Variants in CDH20 observed in about 807,000 individuals in gnomAD.
CDH20 encodes cadherin-20.
CDH20 carries 29 observed loss-of-function variants against 74.2 expected under a neutral mutation model. The ratio of observed to expected loss-of-function variants is 0.39; its 90% CI spans 0.29 to 0.53. CDH20 has a LOEUF of 0.53. Ranked by LOEUF, CDH20 falls within the 20% of genes least tolerant of loss-of-function variation. The pLI, the probability that CDH20 is intolerant of heterozygous loss-of-function variation, is 0.69. For missense variants in CDH20, 988 were observed against 1,048.3 expected, an observed-to-expected ratio of 0.94 and a Z score of 0.79; for synonymous variants, 469 against 405.4, an observed-to-expected ratio of 1.16 and a Z score of -1.88.
intron 1 of CDH20, among the ~76,000 whole-genome samples, chr18:61,442,414 C>G (rs1909065609): frequency 6.6e-6 from 1 of 151,404 alleles, no homozygotes; most frequent in African/African-American, 2.4e-5. Context: ...TGAGGACTTC[C>G]AGGCAGGGCA....
Position 61,538,600 on chromosome 18 carries a change from T to G in CDH20, c.1409-424T>G, listed in dbSNP as rs1210248423. ...CTACTTTTTGTTTGTTTGTTTGTTT[T>G]TGTTTTTGTTTTTGTTTTTGTTTTG... On this transcript the variant is annotated intron_variant, in intron 8 of 11. Transcript: ENST00000262717. Among the ~76,000 whole-genome samples the G allele has an allele frequency of 2.5e-3, 75 of 30,140 alleles. 8 individuals are homozygous for G. The highest frequency in any genetic ancestry group is 8.7e-3 in the East Asian group (4 of 460). 19.8% of individuals were successfully genotyped at this position (30,140 alleles called of 152,430 possible). A position where few individuals can be genotyped will look rare whatever the true frequency, so the allele number is the denominator to read the frequency against.
intron 1 of CDH20, among the ~76,000 whole-genome samples, chr18:61,474,516 G>T (rs999539257): frequency 6.6e-6 from 1 of 151,920 alleles, no homozygotes; most frequent in Non-Finnish European, 1.5e-5. Context: ...ACAACTTCTG[G>T]AGAGGATCCC....
intron 3 of CDH20, among the ~76,000 whole-genome samples, chr18:61,499,880 G>T (rs1420416465): frequency 4.6e-5 from 7 of 151,892 alleles, no homozygotes; most frequent in Non-Finnish European, 8.8e-5. Context: ...GGATCACAAG[G>T]TCAGGAGATC....
At position 61,554,632 on chromosome 18, in the gene CDH20, G is replaced by A. The variant is rs761554590; in HGVS notation, c.2343G>A (p.Gly781=). 14 of 1,602,900 alleles carry A rather than the reference G, an allele frequency of 8.7e-6. No homozygotes were observed. The highest frequency in any genetic ancestry group is 1.1e-5 in the South Asian group (1 of 89,730). ...EQSFDFLTDW[G]PRFRKLAELY... is the part of the protein sequence containing the mutation. The stretch of plus-strand genomic sequence containing the variant: ...GCTTCGACTTCCTGACGGACTGGGG[G>A]CCCCGCTTCCGGAAGCTGGCCGAGC... The change falls in exon 12 of 12, where the codon GGG becomes GGA. Residue 781 remains glycine, a synonymous_variant. Transcript: ENST00000262717.
chr18:61,525,060 C>T (rs1022477980), intron 6 of CDH20, among the ~76,000 whole-genome samples: 2 of 142,152 alleles, frequency 1.4e-5, no homozygotes, highest in African/African-American at 5.1e-5. Flanking sequence ...AGAGACAGAA[C>T]ATACATGAAT....
chr18:61,486,939 A>T (rs1910787258), intron 1 of CDH20, among the ~76,000 whole-genome samples: 1 of 152,214 alleles, frequency 6.6e-6, no homozygotes, highest in Non-Finnish European at 1.5e-5. Context: ...TTCAAGGAGA[A>T]AGCAGTAACC....
intron 1 of CDH20, among the ~76,000 whole-genome samples, chr18:61,484,591 A>G (rs1910692130): frequency 6.6e-6 from 1 of 152,166 alleles, no homozygotes; most frequent in Middle Eastern, 3.2e-3. Flanking sequence ...TTTATTTATG[A>G]CCCAAGCTAG....
chr18:61,428,764 T>C (rs1352679609), intron 1 of CDH20, among the ~76,000 whole-genome samples: 1 of 152,220 alleles, frequency 6.6e-6, no homozygotes, highest in Non-Finnish European at 1.5e-5. Flanking sequence ...CTTTTCCCTC[T>C]GAAATGTGCA....
intron 1 of CDH20, chr18:61,391,686 GAA>G (rs1424035192): frequency 6.6e-6 from 1 of 151,838 alleles, no homozygotes; most frequent in African/African-American, 2.4e-5. Flanking sequence ...GCAAATTCGT[GAA>G]GCATTCCATA....
intron 1 of CDH20, among the ~76,000 whole-genome samples, chr18:61,363,130 G>A (rs1910754034): frequency 6.6e-6 from 1 of 152,094 alleles, no homozygotes; most frequent in African/African-American, 2.4e-5. Flanking sequence ...CTTGATTTGT[G>A]AGGAAAAGAA....
intron 1 of CDH20, among the ~76,000 whole-genome samples, chr18:61,442,941 G>A (rs1456866166): frequency 6.6e-6 from 1 of 151,978 alleles, no homozygotes; most frequent in African/African-American, 2.4e-5. Context: ...TTCCCAGATT[G>A]GAACTACTTA....
At chr18:61,528,469 A>ACCCC in intron 7 of CDH20, among the ~76,000 whole-genome samples, 1 of 151,604 alleles carries the variant, frequency 6.6e-6, no homozygotes. Context: ...ACACACACAC[A>ACCCC]CACACACACA....
intron 1 of CDH20, among the ~76,000 whole-genome samples, chr18:61,366,180 A>G (rs992523136): frequency 1.3e-5 from 2 of 152,162 alleles, no homozygotes; most frequent in Non-Finnish European, 2.9e-5. Context: ...TATCCTACAT[A>G]TTATTCATTT....
rs749466944 is a variant in CDH20 at position 61,528,140 on chromosome 18, G to A, written c.1191G>A (p.Glu397=). 6.2e-7 allele frequency: 1 copy of A among 1,614,078 alleles called. No individual in the cohort carries two copies. The highest frequency in any genetic ancestry group is 1.7e-5 in the Admixed American group (1 of 60,014). ...PVFEPGFYFV[E]VPEDVAIGTT... Reference sequence around the variant, plus strand: ...TTGAACCTGGCTTTTACTTTGTGGAGGTGCCTGAGGATGTGGCGATTGGAA... The same window carrying A: ...TTGAACCTGGCTTTTACTTTGTGGAAGTGCCTGAGGATGTGGCGATTGGAA... Residue 397 remains glutamate (E), a synonymous_variant, in exon 7 of 12, where the codon GAG becomes GAA. Transcript: ENST00000262717.
At chr18:61,487,427 G>A (rs1486085122) in intron 1 of CDH20, among the ~76,000 whole-genome samples, 1 of 152,202 alleles carries the variant, frequency 6.6e-6, no homozygotes, top group African/African-American at 2.4e-5. Flanking sequence ...TAGAAAGTTA[G>A]GCAGGGAGTC....
intron 1 of CDH20, among the ~76,000 whole-genome samples, chr18:61,334,744 C>G (rs1387708229): frequency 3.3e-5 from 5 of 151,998 alleles, no homozygotes; most frequent in African/African-American, 1.2e-4. Flanking sequence ...TTGTTTCTGC[C>G]GAGACCAGGC....
intron 1 of CDH20, among the ~76,000 whole-genome samples, chr18:61,447,433 G>T (rs1413318719): frequency 1.3e-5 from 2 of 152,134 alleles, no homozygotes; most frequent in African/African-American, 4.8e-5. Flanking sequence ...GTGTGGTAAG[G>T]GTGGACTCTT....
At chr18:61,500,853 C>G (rs1349791910) in intron 4 of CDH20, among the ~76,000 whole-genome samples, 5 of 152,210 alleles carry the variant, frequency 3.3e-5, no homozygotes, top group Non-Finnish European at 1.5e-5. Context: ...GACACATTCA[C>G]CTGGGTCATT....
rs1008660038 is a variant in CDH20, at chr18:61,379,272, G to A, written c.-153+45445G>A. 4.6e-5 allele frequency among the ~76,000 whole-genome samples: 7 copies of A among 152,088 alleles called. No homozygotes were observed. In the South Asian group the frequency reaches 6.2e-4, roughly 14 times the overall value. On this transcript the variant is annotated intron_variant, in intron 1 of 11. Coordinates refer to ENST00000262717, the MANE Select transcript of CDH20 (RefSeq NM_031891.4). The stretch of plus-strand genomic sequence containing the variant: ...ATCAAGCAATTTCTCCTTAATTTGT[G>A]CTGGGCACATAAAATTTCAACAGCT...
Sources: allele counts gnomAD v4.1 joint callset (sites outside exome capture counted in the v4.1 genomes callset), GRCh38; gene constraint gnomAD v4.1.1; transcripts MANE v1.5; gene names NCBI Gene and HGNC (gene_info 2026-07-23, HGNC 2026-07-21).